NEB: variants seen among roughly 807,000 people sequenced by gnomAD.
The protein encoded by NEB is nebulin.
A neutral mutation model predicts 952.2 loss-of-function variants in NEB; 512 were observed. The ratio of observed to expected loss-of-function variants is 0.54; its 90% confidence interval spans 0.50 to 0.58. The LOEUF (loss-of-function observed/expected upper bound fraction) is 0.58. Ranked by LOEUF, NEB falls within the 20% of genes least tolerant of loss-of-function variation. The pLI is 0.00. For synonymous variants in NEB, 2,900 were observed against 3,149.8 expected (o/e 0.92, Z 2.66); for missense variants, 8,428 against 9,231.1 (o/e 0.91, Z 3.56).
rs1426040506 is a variant in NEB, at chr2:151,516,452, G to T, written c.22905+7C>A. 4 of 1,592,216 alleles carry T rather than the reference G, an allele frequency of 2.5e-6. No individual in the cohort carries two copies. Among genetic ancestry groups the T allele is most frequent in the Admixed American group, 3.4e-5 (2 of 59,614 alleles). On this transcript the variant is annotated splice_region_variant and intron_variant, in intron 157 of 181. Coordinates refer to ENST00000397345, the MANE Select transcript of NEB (RefSeq NM_001164508.2). ...CATTGTTGTGTGGTGTGGTTTTTTT[G>T]ACTTACCCCACTCTGCATCTGCTGA... is the stretch of plus-strand genomic sequence containing the variant.
chr2:151,643,114 A>T lies in NEB; in HGVS notation c.8160+36T>A, dbSNP rs1390246524. Reference sequence around the variant, plus strand: ...ACTTCAGTGTTTCCATAAACAAAAAAAATTAATAACCTCCTCAAACAAACA... The same window carrying T: ...ACTTCAGTGTTTCCATAAACAAAAATAATTAATAACCTCCTCAAACAAACA... On this transcript the variant is annotated intron_variant, in intron 58 of 181. Coordinates refer to ENST00000397345, the MANE Select transcript of NEB (RefSeq NM_001164508.2). 3 of 1,573,200 alleles carry T rather than the reference A, an allele frequency of 1.9e-6. No individual in the cohort carries two copies. The African/African-American group carries it at 4.1e-5, about 21-fold the overall frequency.
At chr2:151,536,064 T>C (rs190169784) in intron 141 of NEB, among the ~76,000 whole-genome samples, 1 of 152,142 alleles carries the variant, frequency 6.6e-6, no homozygotes, top group Non-Finnish European at 1.5e-5. Flanking sequence ...TACACCACCA[T>C]GCCTGGCTAA....
intron 54 of NEB, among the ~76,000 whole-genome samples, chr2:151,647,857 A>G (rs13429567): frequency 0.1 from 15,188 of 152,266 alleles, 1,292 homozygotes; most frequent in African/African-American, 0.23. Context: ...TTTTCTTATA[A>G]AGGATATTAG....
intron 10 of NEB, among the ~76,000 whole-genome samples, chr2:151,713,531 T>C (rs1187196270): frequency 6.6e-6 from 1 of 152,184 alleles, no homozygotes. Context: ...ACTGAAAGAT[T>C]AGTTTTTTAA....
intron 107 of NEB, among the ~76,000 whole-genome samples, chr2:151,573,606 T>C (rs989354856): frequency 1.3e-5 from 2 of 152,222 alleles, no homozygotes; most frequent in Admixed American, 6.5e-5. Context: ...CCAGAACTTA[T>C]AGAGCTGTTT....
At chr2:151,616,821 T>A (rs574822994) in intron 75 of NEB, among the ~76,000 whole-genome samples, 1 of 152,234 alleles carries the variant, frequency 6.6e-6, no homozygotes, top group Non-Finnish European at 1.5e-5. Flanking sequence ...TTCTGTTTTA[T>A]GAAAAACTCA....
At position 151,539,855 on chromosome 2, in the gene NEB, A is replaced by G. The variant is rs542174363; in HGVS notation, c.20892+489T>C. ...GGGAACAAACATTTTCTGAGTAACT[A>G]GGAGCCCAGCAGCATGCTAGACACT... is the stretch of plus-strand genomic sequence containing the variant. On this transcript the variant is annotated intron_variant, in intron 138 of 181. Coordinates refer to ENST00000397345, the MANE Select transcript of NEB (RefSeq NM_001164508.2). Among the ~76,000 whole-genome samples the G allele has an allele frequency of 8.5e-5, 13 of 152,346 alleles. 1 individual carries two copies. The South Asian group carries it at 2.5e-3, about 29-fold the overall frequency.
intron 179 of NEB, 183 bp downstream of exon 179, chr2:151,491,500 A>C: frequency 1.9e-6 from 1 of 520,910 alleles, no homozygotes; most frequent in Non-Finnish European, 3.4e-6. Context: ...AATTTTTTCT[A>C]ACTTGAACTT....
In NEB at chr2:151,664,851, C is replaced by G; in HGVS notation, c.5251G>C (p.Glu1751Gln). 1 of 1,610,624 alleles carries G rather than the reference C, an allele frequency of 6.2e-7. No homozygotes were observed. The highest frequency in any genetic ancestry group is 8.5e-7 in the Non-Finnish European group (1 of 1,177,816). The change falls in exon 43 of 182, where the codon GAA becomes CAA. Residue 1751 changes from glutamate (E) to glutamine (Q), a missense_variant. Physicochemically the swap from Glu to Gln is conservative, Grantham distance 29. Transcript: ENST00000397345. ...KLNMDKRLYT[E>Q]KWNKDKTTIH... Reference sequence around the variant, plus strand: ...GTGGTCTTGTCCTTGTTCCATTTTTCAGTGTAGAGCCTCTGCAATGAGAAA... The same window carrying G: ...GTGGTCTTGTCCTTGTTCCATTTTTGAGTGTAGAGCCTCTGCAATGAGAAA...
intron 38 of NEB, among the ~76,000 whole-genome samples, chr2:151,669,975 G>T (rs1295065269): frequency 6.6e-6 from 1 of 152,126 alleles, no homozygotes; most frequent in Non-Finnish European, 1.5e-5. Flanking sequence ...ACTGCATGTG[G>T]GAGTTCACAC....
At position 151,672,320 on chromosome 2, in the gene NEB, T is replaced by A. The variant is rs199725501; in HGVS notation, c.4299+49A>T. 1.2e-4 allele frequency: 184 copies of A among 1,476,632 alleles called. No individual in the cohort carries two copies. The African/African-American group carries it at 2.3e-3, about 18-fold the overall frequency. The allele number at this position is 1,476,632 out of a possible 1,614,324, so 91.5% of individuals were successfully genotyped here. A position where few individuals can be genotyped will look rare whatever the true frequency, so the allele number is the denominator to read the frequency against. On this transcript the variant is annotated intron_variant, in intron 37 of 181. Coordinates refer to ENST00000397345, the MANE Select transcript of NEB (RefSeq NM_001164508.2). ...GAAGTCTAATAAAAGCGAGAAGTGATCATCCTTTAAGTGCAAACATCTCTG... is the reference window on the plus strand; with the variant it reads ...GAAGTCTAATAAAAGCGAGAAGTGAACATCCTTTAAGTGCAAACATCTCTG...
rs2099216761 is a variant in NEB, at chr2:151,666,366, G to C, written c.4755C>G (p.Gly1585=). Residue 1585 remains glycine, a synonymous_variant, in exon 41 of 182, where the codon GGC becomes GGG. Coordinates refer to ENST00000397345, the MANE Select transcript of NEB (RefSeq NM_001164508.2). ...GAAGACTGAGAAATCCAACTTGCTT[G>C]CCTTTGGCTTTCTCGTAGGCCTCCT... The part of the protein sequence containing the change: ...KYKEAYEKAK[G]KQVGFLSLQD... 6.2e-7 allele frequency: 1 copy of C among 1,613,696 alleles called. No individual in the cohort carries two copies. The highest frequency in any genetic ancestry group is 8.5e-7 in the Non-Finnish European group (1 of 1,179,822).
chr2:151,656,220 T>C lies in NEB; in HGVS notation c.6428A>G (p.Lys2143Arg). ...TNTNYKHLIHKYILLPDAMNI... is the reference protein window; with the variant it reads ...TNTNYKHLIHRYILLPDAMNI... Reference sequence around the variant, plus strand: ...CATTGCATCTGGAAGGAGGATGTACTTGTGAATCAGGTGCTTGTAGTTAGT... The same window carrying C: ...CATTGCATCTGGAAGGAGGATGTACCTGTGAATCAGGTGCTTGTAGTTAGT... The change falls in exon 49 of 182, where the codon AAG becomes AGG. Residue 2143 changes from lysine (K) to arginine (R), a missense_variant. Physicochemically the swap from Lys to Arg is conservative, Grantham distance 26. Around this residue, in one of 11 missense-constraint regions of NEB, gnomAD observed 2,851 missense variants for 2,791.5 expected, o/e 1.02. Coordinates refer to ENST00000397345, the MANE Select transcript of NEB (RefSeq NM_001164508.2). 1.2e-6 allele frequency: 2 copies of C among 1,612,976 alleles called. No individual in the cohort carries two copies. Among genetic ancestry groups the C allele is most frequent in the Non-Finnish European group, 1.7e-6 (2 of 1,179,252 alleles).
chr2:151,612,059 A>T, intron 78 of NEB, 127 bp downstream of exon 78: 1 of 961,418 alleles, frequency 1.0e-6, no homozygotes, highest in Non-Finnish European at 1.6e-6. Context: ...ATGCTCTGTT[A>T]AAGGCCTGCA....
chr2:151,635,707 CAAAA>C (rs1292764660), intron 64 of NEB, among the ~76,000 whole-genome samples: 4 of 86,020 alleles, frequency 4.7e-5, no homozygotes, highest in Admixed American at 1.2e-4. Flanking sequence ...ACTCTGTCTC[CAAAA>C]AAAAAAAAAA....
At chr2:151,633,130 G>C (rs1000202650) in intron 65 of NEB, among the ~76,000 whole-genome samples, 1 of 152,174 alleles carries the variant, frequency 6.6e-6, no homozygotes, top group South Asian at 2.1e-4. Flanking sequence ...TTGAGATAGT[G>C]TATCTGCTTC....
chr2:151,705,863 C>G (rs552126147), intron 13 of NEB, among the ~76,000 whole-genome samples: 1 of 152,256 alleles, frequency 6.6e-6, no homozygotes, highest in African/African-American at 2.4e-5. Context: ...TAAGTGGAAG[C>G]TAAGCTATGA....
At chr2:151,568,242 G>A in intron 112 of NEB, 64 bp from the exon 113 acceptor site, 1 of 1,586,176 alleles carries the variant, frequency 6.3e-7, no homozygotes, top group Non-Finnish European at 8.7e-7. Flanking sequence ...TAAGTTGTGT[G>A]CATAATTATC....
chr2:151,642,930 G>C (rs928791088), intron 58 of NEB, 61 bp from the exon 59 acceptor site: 3 of 1,358,022 alleles, frequency 2.2e-6, no homozygotes, highest in Non-Finnish European at 3.0e-6. Flanking sequence ...CATGCAGACA[G>C]TCTGATTTTT....
Sources: gnomAD v4.1 joint callset for allele counts (sites outside exome capture counted in the v4.1 genomes callset) on GRCh38, gnomAD v4.1.1 for gene constraint, gnomAD v4.1.1 regional missense constraint, MANE v1.5 for transcripts, NCBI Gene and HGNC (gene_info 2026-07-23, HGNC 2026-07-21) for gene names.